ABCA13: variants seen among roughly 807,000 people sequenced by gnomAD.
ABCA13 encodes ATP-binding cassette sub-family A member 13.
Under a neutral mutation model 478.7 loss-of-function variants are expected in ABCA13, and 476 were observed. That is an observed-to-expected ratio of 0.99 (90% CI 0.92 to 1.07). The LOEUF (loss-of-function observed/expected upper bound fraction) is 1.07, where lower values mean the gene tolerates loss of function less well. Ranked by LOEUF, ABCA13 falls within the 50% of genes least tolerant of loss-of-function variation. ABCA13 has a pLI of 0.00. For synonymous variants in ABCA13, 2,252 were observed against 2,158.9 expected, an observed-to-expected ratio of 1.04 and a Z score of -1.20; for missense variants, 6,060 against 5,910.6, an observed-to-expected ratio of 1.03 and a Z score of -0.83.
intron 40 of ABCA13, among the ~76,000 whole-genome samples, chr7:48,411,341 C>T (rs554424265): frequency 9.1e-4 from 63 of 69,150 alleles, no homozygotes; most frequent in African/African-American, 3.2e-3. Context: ...TGGAGTCTTG[C>T]TCTGTTGCCC....
chr7:48,309,839 G>A, intron 23 of ABCA13, 108 bp from the exon 24 acceptor site: 1 of 1,302,810 alleles, frequency 7.7e-7, no homozygotes, highest in East Asian at 2.4e-5. Flanking sequence ...CCCGGGAGTT[G>A]GGAAATCCAC....
chr7:48,491,198 G>A (rs1289609851), intron 48 of ABCA13, among the ~76,000 whole-genome samples: 3 of 152,174 alleles, frequency 2.0e-5, no homozygotes, highest in African/African-American at 4.8e-5. Context: ...GAAAATGTGC[G>A]TAGGATTCAG....
intron 59 of ABCA13, among the ~76,000 whole-genome samples, chr7:48,634,885 C>T (rs907198969): frequency 2.6e-5 from 4 of 152,090 alleles, no homozygotes; most frequent in Admixed American, 1.3e-4. Flanking sequence ...GCTTCTGCCT[C>T]GTTGTTTTAC....
intron 42 of ABCA13, among the ~76,000 whole-genome samples, chr7:48,445,474 CT>C (rs925639524): frequency 2.3e-4 from 35 of 152,170 alleles, no homozygotes; most frequent in Admixed American, 2.1e-3. Flanking sequence ...CTTTCAGTTT[CT>C]TAAACAGATC....
At chr7:48,560,402 G>T (rs1786334736) in intron 55 of ABCA13, among the ~76,000 whole-genome samples, 1 of 152,106 alleles carries the variant, frequency 6.6e-6, no homozygotes, top group Admixed American at 6.6e-5. Context: ...GGGTATGGGG[G>T]AGGGATGTAA....
chr7:48,383,488 G>A (rs992879500), intron 35 of ABCA13, among the ~76,000 whole-genome samples: 1 of 152,200 alleles, frequency 6.6e-6, no homozygotes, highest in Non-Finnish European at 1.5e-5. Context: ...GTGAAGCAGA[G>A]CTGAGGCTTG....
chr7:48,265,015 A>G (rs1450763657), intron 15 of ABCA13, among the ~76,000 whole-genome samples: 5 of 151,658 alleles, frequency 3.3e-5, no homozygotes, highest in Non-Finnish European at 7.4e-5. Flanking sequence ...AGGGGACCTA[A>G]TTACTCCAGC....
At chr7:48,440,340 T>C (rs1167956294) in intron 42 of ABCA13, among the ~76,000 whole-genome samples, 1 of 152,172 alleles carries the variant, frequency 6.6e-6, no homozygotes, top group African/African-American at 2.4e-5. Flanking sequence ...CTGAACTTTA[T>C]ATAAAAGGAA....
chr7:48,641,712 G>T (rs1318681494), intron 59 of ABCA13, among the ~76,000 whole-genome samples: 1 of 152,126 alleles, frequency 6.6e-6, no homozygotes, highest in African/African-American at 2.4e-5. Context: ...ATAATGTTAT[G>T]CCCAGACACA....
At chr7:48,250,464 C>T (rs1045405548) in intron 15 of ABCA13, among the ~76,000 whole-genome samples, 1 of 152,186 alleles carries the variant, frequency 6.6e-6, no homozygotes, top group Non-Finnish European at 1.5e-5. Flanking sequence ...AATCAGCCCC[C>T]ATTCTGGGGC....
chr7:48,181,494 T>C (rs1795690737), intron 1 of ABCA13, among the ~76,000 whole-genome samples: 1 of 152,154 alleles, frequency 6.6e-6, no homozygotes, highest in African/African-American at 2.4e-5. Context: ...CTTCTTGTTT[T>C]ACTAAAATTA....
chr7:48,583,551 G>A (rs1378453698), intron 56 of ABCA13, among the ~76,000 whole-genome samples: 1 of 152,090 alleles, frequency 6.6e-6, no homozygotes, highest in African/African-American at 2.4e-5. Context: ...TAAACACTGG[G>A]GATTTCCATC....
intron 56 of ABCA13, 113 bp downstream of exon 56, chr7:48,580,487 A>G: frequency 1.1e-6 from 1 of 951,530 alleles, no homozygotes; most frequent in Non-Finnish European, 1.5e-6. Flanking sequence ...CTGTAGTATC[A>G]GATAAACTTA....
intron 15 of ABCA13, among the ~76,000 whole-genome samples, chr7:48,257,932 T>A (rs1562895915): frequency 1.3e-5 from 2 of 152,126 alleles, no homozygotes; most frequent in African/African-American, 4.8e-5. Flanking sequence ...CTTATTTATT[T>A]ATTTTTTTTG....
chr7:48,193,470 G>A (rs965733531), intron 2 of ABCA13, among the ~76,000 whole-genome samples: 2 of 151,888 alleles, frequency 1.3e-5, no homozygotes, highest in African/African-American at 4.8e-5. Context: ...TGGTGAAGAT[G>A]GTGATGATGG....
At chr7:48,477,633 C>T (rs930748340) in intron 45 of ABCA13, among the ~76,000 whole-genome samples, 59 of 151,068 alleles carry the variant, frequency 3.9e-4, no homozygotes, top group African/African-American at 8.8e-4. Flanking sequence ...AGCAAACTAT[C>T]GCAAGGACAA....
At chr7:48,504,950 TG>T (rs1476631221) in intron 48 of ABCA13, among the ~76,000 whole-genome samples, 1 of 152,128 alleles carries the variant, frequency 6.6e-6, no homozygotes, top group Non-Finnish European at 1.5e-5. Flanking sequence ...GGAGAAAGAC[TG>T]GTGGGTGTTA....
At position 48,547,023 on chromosome 7, in the gene ABCA13, A is replaced by G. The variant is rs140525230; in HGVS notation, c.14354+18678A>G. Among the ~76,000 whole-genome samples, 21 of 152,006 alleles carry G rather than the reference A, an allele frequency of 1.4e-4. No individual in the cohort carries two copies. The East Asian group carries it at 3.7e-3, about 27-fold the overall frequency. ...ATGAAAGAAAGTCCTCTCTAATTTT[A>G]CATCAAAGTGATTTTTATTCTTGCA... On this transcript the variant is annotated intron_variant, in intron 55 of 61. Coordinates refer to ENST00000435803, the MANE Select transcript of ABCA13 (RefSeq NM_152701.5).
chr7:48,289,264 G>C (rs148681196), intron 20 of ABCA13, among the ~76,000 whole-genome samples: 1 of 151,104 alleles, frequency 6.6e-6, no homozygotes, highest in Non-Finnish European at 1.5e-5. Context: ...AATTTACATT[G>C]ATTTTTTTAG....
Sources: gnomAD v4.1 joint callset for allele counts (sites outside exome capture counted in the v4.1 genomes callset) on GRCh38, gnomAD v4.1.1 for gene constraint, MANE v1.5 for transcripts, NCBI Gene and HGNC (gene_info 2026-07-23, HGNC 2026-07-21) for gene names.